The following TRPC7 variants were observed in gnomAD, a reference collection of about 807,000 sequenced individuals.
TRPC7 encodes the protein transient receptor potential cation channel subfamily C member 7, also known as short transient receptor potential channel 7.
In TRPC7, 42 loss-of-function variants were observed where a neutral mutation model predicts 90.1. That is an observed-to-expected ratio of 0.47 (90% CI 0.36 to 0.60). The LOEUF is 0.60. Among genes scored for constraint, TRPC7 ranks in the 20% least tolerant of loss-of-function variants. The probability of loss-of-function intolerance (pLI) is 0.00; values close to 1 mark genes in which losing one functional copy is unlikely to be tolerated. For missense variants in TRPC7, 955 were observed against 1,112.3 expected (o/e 0.86, Z 2.01); for synonymous variants, 451 against 436.3 (o/e 1.03, Z -0.42).
chr5:136,233,380 T>C (rs892727517), intron 7 of TRPC7, among the ~76,000 whole-genome samples: 1 of 152,194 alleles, frequency 6.6e-6, no homozygotes, highest in East Asian at 1.9e-4. Flanking sequence ...AGATGCAGCA[T>C]TTTGTGTGAA....
chr5:136,332,405 T>C (rs1259083094), intron 2 of TRPC7, among the ~76,000 whole-genome samples: 1 of 152,090 alleles, frequency 6.6e-6, no homozygotes, highest in African/African-American at 2.4e-5. Context: ...AGGCACTGAC[T>C]GGAGGGCTTC....
At position 136,294,201 on chromosome 5, in the gene TRPC7, A is replaced by T. The variant is rs1430792653; in HGVS notation, c.964-19364T>A. Among the ~76,000 whole-genome samples the T allele has an allele frequency of 3.9e-5, 6 of 152,272 alleles. No individual in the cohort carries two copies. The East Asian group carries it at 1.2e-3, about 29-fold the overall frequency. On this transcript the variant is annotated intron_variant, in intron 3 of 11. Coordinates refer to ENST00000513104, the MANE Select transcript of TRPC7 (RefSeq NM_020389.3). Reference sequence around the variant, plus strand: ...ACCATAAAAACCCTAGAAGAAAACCAAGGCAATACCATTCAGGACATAGGC... The same window carrying T: ...ACCATAAAAACCCTAGAAGAAAACCTAGGCAATACCATTCAGGACATAGGC...
chr5:136,344,583 C>T (rs1759946638), intron 2 of TRPC7, among the ~76,000 whole-genome samples: 1 of 152,174 alleles, frequency 6.6e-6, no homozygotes, highest in Non-Finnish European at 1.5e-5. Flanking sequence ...TTACATTTCT[C>T]ATACTGGCAA....
At chr5:136,266,167 A>C in intron 5 of TRPC7, 53 bp downstream of exon 5, 1 of 1,491,846 alleles carries the variant, frequency 6.7e-7, no homozygotes, top group South Asian at 1.1e-5. Flanking sequence ...AGAGTTTAAT[A>C]ATGTCCTACT....
chr5:136,365,014 C>A (rs1760678004), intron 1 of TRPC7, among the ~76,000 whole-genome samples: 1 of 152,056 alleles, frequency 6.6e-6, no homozygotes, highest in South Asian at 2.1e-4. Context: ...AAGGAATAGG[C>A]TACCGACATG....
chr5:136,274,667 C>G lies in TRPC7; in HGVS notation c.1128+6G>C, dbSNP rs775422899. On this transcript the variant is annotated splice_donor_region_variant and intron_variant, in intron 4 of 11. Coordinates refer to ENST00000513104, the MANE Select transcript of TRPC7 (RefSeq NM_020389.3). ...GCAAACGACATGCACCTTAAGCAGTCTGTACCTTGCTGCACGGAGCAATCC... is the reference window on the plus strand; with the variant it reads ...GCAAACGACATGCACCTTAAGCAGTGTGTACCTTGCTGCACGGAGCAATCC... The G allele has an allele frequency of 6.2e-7, 1 of 1,611,218 alleles. No homozygotes were observed. Among genetic ancestry groups the G allele is most frequent in the Admixed American group, 1.7e-5 (1 of 59,492 alleles).
rs754849759 is a variant in TRPC7 at position 136,231,486 on chromosome 5, C to T, written c.1908G>A (p.Val636=). The change falls in exon 8 of 12, where the codon GTG becomes GTA. Residue 636 remains valine (V), a synonymous_variant. Coordinates refer to ENST00000513104, the MANE Select transcript of TRPC7 (RefSeq NM_020389.3). The stretch of plus-strand genomic sequence containing the variant: ...TGAATTTGTGGTCGTATTTCAGCAC[C>T]ACTGAGATTACTTCAGATAAGCCGA... ...SIFGLSEVIS[V]VLKYDHKFIE... is the part of the protein sequence containing the mutation. 13 of 1,612,264 alleles carry T rather than the reference C, an allele frequency of 8.1e-6. No individual in the cohort carries two copies. The highest frequency in any genetic ancestry group is 1.6e-4 in the Middle Eastern group (1 of 6,084).
At chr5:136,331,555 T>C (rs992732827) in intron 2 of TRPC7, among the ~76,000 whole-genome samples, 1 of 152,194 alleles carries the variant, frequency 6.6e-6, no homozygotes, top group Non-Finnish European at 1.5e-5. Context: ...TAGTTATTCC[T>C]GGGGAAACAT....
At chr5:136,304,356 C>T (rs1307647753) in intron 3 of TRPC7, among the ~76,000 whole-genome samples, 1 of 151,404 alleles carries the variant, frequency 6.6e-6, no homozygotes, top group Non-Finnish European at 1.5e-5. Flanking sequence ...TCGCCTGCTA[C>T]AGCATGACCT....
chr5:136,258,375 T>G (rs1756750148), intron 5 of TRPC7, among the ~76,000 whole-genome samples: 1 of 152,206 alleles, frequency 6.6e-6, no homozygotes, highest in Non-Finnish European at 1.5e-5. Flanking sequence ...CCAAGGATAG[T>G]TCAGCGTTTT....
At chr5:136,338,518 C>T (rs17170119) in intron 2 of TRPC7, among the ~76,000 whole-genome samples, 2,733 of 152,280 alleles carry the variant, frequency 0.018, 86 homozygotes, top group African/African-American at 0.063. Flanking sequence ...AGTGTCCTAT[C>T]GCTCAGGCGG....
chr5:136,360,365 G>A (rs1189219527), intron 1 of TRPC7, among the ~76,000 whole-genome samples: 1 of 152,126 alleles, frequency 6.6e-6, no homozygotes, highest in Non-Finnish European at 1.5e-5. Context: ...ACTCTGGTAG[G>A]TCAAGTGAAA....
At chr5:136,310,938 G>C (rs1053691712) in intron 3 of TRPC7, among the ~76,000 whole-genome samples, 1 of 152,110 alleles carries the variant, frequency 6.6e-6, no homozygotes, top group Non-Finnish European at 1.5e-5. Context: ...ACCCTTGCTG[G>C]TGATACAGCC....
intron 6 of TRPC7, among the ~76,000 whole-genome samples, chr5:136,249,566 T>C (rs1756455138): frequency 6.6e-6 from 1 of 152,192 alleles, no homozygotes; most frequent in Admixed American, 6.5e-5. Context: ...TAGCTCACCA[T>C]CTTAAACCTC....
chr5:136,365,112 G>A, intron 1 of TRPC7, 141 bp downstream of exon 1: 2 of 955,126 alleles, frequency 2.1e-6, no homozygotes, highest in Non-Finnish European at 3.0e-6. Context: ...AAATAAGAAA[G>A]ATCTCAGATC....
At chr5:136,327,948 G>A (rs942057899) in intron 2 of TRPC7, among the ~76,000 whole-genome samples, 2 of 152,182 alleles carry the variant, frequency 1.3e-5, no homozygotes, top group African/African-American at 4.8e-5. Context: ...ATTAATAGAT[G>A]TGAAATACTG....
chr5:136,351,909 T>C (rs532235294), intron 2 of TRPC7, among the ~76,000 whole-genome samples: 1 of 152,364 alleles, frequency 6.6e-6, no homozygotes, highest in East Asian at 1.9e-4. Context: ...AACCCATTGA[T>C]AAACAGAAAA....
intron 3 of TRPC7, among the ~76,000 whole-genome samples, chr5:136,278,341 A>G (rs745699432): frequency 1.1e-4 from 16 of 152,204 alleles, no homozygotes; most frequent in Non-Finnish European, 1.8e-4. Context: ...CTCTGCTTTC[A>G]AATTGCAAAT....
intron 3 of TRPC7, among the ~76,000 whole-genome samples, chr5:136,294,467 A>G (rs1351890208): frequency 6.6e-6 from 1 of 152,148 alleles, no homozygotes; most frequent in Non-Finnish European, 1.5e-5. Context: ...ACCCCATCAA[A>G]AAGTGGGCGA....
Sources: allele counts gnomAD v4.1 joint callset (sites outside exome capture counted in the v4.1 genomes callset), GRCh38; gene constraint gnomAD v4.1.1; transcripts MANE v1.5; gene names NCBI Gene and HGNC (gene_info 2026-07-23, HGNC 2026-07-21).